The following REPS2 variants were observed in gnomAD, a reference collection of about 807,000 sequenced individuals.
REPS2 encodes RALBP1 associated Eps domain containing 2.
Under a neutral mutation model 53.6 loss-of-function variants are expected in REPS2, and 23 were observed. The ratio of observed to expected loss-of-function variants is 0.43; its 90% CI spans 0.31 to 0.61. REPS2 has a LOEUF of 0.61. Ranked by LOEUF, REPS2 falls within the 20% of genes least tolerant of loss-of-function variation. REPS2 has a pLI of 0.11. For synonymous variants in REPS2, 238 were observed against 218.6 expected (o/e 1.09, Z -0.78); for missense variants, 446 against 534.9 (o/e 0.83, Z 1.64).
chrX:17,074,139 C>A lies in REPS2; in HGVS notation c.1359C>A (p.Leu453=), dbSNP rs368495237. The part of the protein sequence containing the change: ...DPATPKDSNS[L]KARPRSRSYS... ...CAACTCCCAAGGATTCCAACAGTCT[C>A]AAAGCAAGACCAAGATCCAGGTAGT... The change falls in exon 12 of 18, where the codon CTC becomes CTA. Residue 453 remains leucine, a synonymous_variant. Transcript: ENST00000357277. 3 of 1,209,995 alleles carry A rather than the reference C, an allele frequency of 2.5e-6. No homozygotes were observed. The South Asian group carries it at 5.3e-5, about 21-fold the overall frequency.
chrX:17,092,152 C>T (rs1399624382), intron 13 of REPS2, among the ~76,000 whole-genome samples: 1 of 112,158 alleles, frequency 8.9e-6, no homozygotes, highest in African/African-American at 3.2e-5. Context: ...TCAATGGCCA[C>T]ATCTGCTGCT....
intron 1 of REPS2, among the ~76,000 whole-genome samples, chrX:16,969,930 T>A (rs948013659): frequency 8.9e-6 from 1 of 112,490 alleles, no homozygotes; most frequent in Non-Finnish European, 1.9e-5. Context: ...CTAGTAATTA[T>A]AACCCTCTAT....
At chrX:17,050,194 C>CTTTTTT (rs200986826) in intron 6 of REPS2, among the ~76,000 whole-genome samples, 1 of 51,796 alleles carries the variant, frequency 1.9e-5, no homozygotes, top group South Asian at 1.1e-3. Context: ...TTCTTTCTTT[C>CTTTTTT]TTTTTTTTTT....
intron 13 of REPS2, among the ~76,000 whole-genome samples, chrX:17,102,857 T>C (rs1418497800): frequency 8.9e-6 from 1 of 112,769 alleles, no homozygotes; most frequent in Admixed American, 9.4e-5. Context: ...ATAAACTACA[T>C]ATAGTTATTT....
At chrX:17,037,698 G>A (rs2061783766) in intron 5 of REPS2, among the ~76,000 whole-genome samples, 1 of 112,524 alleles carries the variant, frequency 8.9e-6, no homozygotes, top group South Asian at 3.6e-4. Flanking sequence ...AGTTAATTTA[G>A]CCTCCCAGAG....
the REPS2 span, among the ~76,000 whole-genome samples, chrX:17,185,043 T>A: frequency 9.0e-6 from 1 of 111,363 alleles, no homozygotes; most frequent in South Asian, 3.8e-4. Context: ...GTTGCCAGTT[T>A]GGTCTAGGCT....
At chrX:17,137,887 G>A (rs763818706) in intron 16 of REPS2, 12 of 112,445 alleles carry the variant, frequency 1.1e-4, no homozygotes, top group African/African-American at 3.6e-4. Context: ...GGGATTACAG[G>A]CCTGAGCCAC....
At chrX:17,020,371 T>C (rs2061556861) in intron 2 of REPS2, among the ~76,000 whole-genome samples, 1 of 111,084 alleles carries the variant, frequency 9.0e-6, no homozygotes, top group Non-Finnish European at 1.9e-5. Flanking sequence ...TTTTATGTGA[T>C]CTTGTTTCAT....
At chrX:17,014,317 C>T (rs1281764010) in intron 2 of REPS2, among the ~76,000 whole-genome samples, 1 of 111,775 alleles carries the variant, frequency 8.9e-6, no homozygotes, top group Non-Finnish European at 1.9e-5. Flanking sequence ...TAACTCACTC[C>T]TGGGGTTCTA....
At chrX:17,072,809 T>G (rs1229811718) in intron 11 of REPS2, among the ~76,000 whole-genome samples, 1 of 111,774 alleles carries the variant, frequency 8.9e-6, no homozygotes, top group East Asian at 2.8e-4. Flanking sequence ...GTCGCTTTCT[T>G]TGCTGCCTGG....
intron 14 of REPS2, among the ~76,000 whole-genome samples, chrX:17,126,276 C>T (rs1603090123): frequency 1.8e-5 from 2 of 110,986 alleles, no homozygotes; most frequent in South Asian, 3.8e-4. Flanking sequence ...TAAGCCAAAG[C>T]GAGAGGGGAG....
intron 14 of REPS2, among the ~76,000 whole-genome samples, chrX:17,107,273 G>A (rs1285146832): frequency 8.9e-6 from 1 of 111,899 alleles, no homozygotes; most frequent in African/African-American, 3.3e-5. Context: ...TCATATCTCT[G>A]GATTCATGTA....
At chrX:17,012,380 AAACAACAAC>A (rs370794081) in intron 2 of REPS2, among the ~76,000 whole-genome samples, 4 of 101,904 alleles carry the variant, frequency 3.9e-5, no homozygotes, top group African/African-American at 1.5e-4. Flanking sequence ...TGCCATCTCA[AAACAACAAC>A]AACAACAACA....
Position 17,050,198 on chromosome X carries a change from T to TTTCTTTCTCTCTTTC in REPS2, c.908-2182_908-2181insCTTTCTCTCTTTCTT, listed in dbSNP as rs2061977971. On this transcript the variant is annotated intron_variant, in intron 6 of 17. Coordinates refer to ENST00000357277, the MANE Select transcript of REPS2 (RefSeq NM_004726.3). ...TCTTTCTTTCTTTCTTTCTTTCTTT[T>TTTCTTTCTCTCTTTC]TTTTTTTTTTTTGACAGGGTCTTAC... is the stretch of plus-strand genomic sequence containing the variant. Among the ~76,000 whole-genome samples the TTTCTTTCTCTCTTTC allele has an allele frequency of 3.9e-4, 9 of 22,962 alleles. No individual in the cohort carries two copies. In the South Asian group the frequency reaches 0.019, roughly 48 times the overall value. The allele number at this position is 22,962 out of a possible 115,157, so 19.9% of individuals were successfully genotyped here.
intron 2 of REPS2, among the ~76,000 whole-genome samples, chrX:17,019,478 A>T (rs2061542933): frequency 9.0e-6 from 1 of 111,645 alleles, no homozygotes; most frequent in African/African-American, 3.3e-5. Context: ...CAGGTACTTT[A>T]TTGATTAATT....
chrX:17,112,914 C>T (rs776814482), intron 14 of REPS2, among the ~76,000 whole-genome samples: 5 of 106,041 alleles, frequency 4.7e-5, no homozygotes, highest in South Asian at 4.2e-4. Flanking sequence ...CGGGAAACTC[C>T]GTCTCTACTA....
intron 13 of REPS2, among the ~76,000 whole-genome samples, chrX:17,096,676 A>G (rs1410096370): frequency 9.9e-6 from 1 of 101,308 alleles, no homozygotes; most frequent in Non-Finnish European, 2.0e-5. Flanking sequence ...AAAAAAAAAA[A>G]AAAAAAGAAA....
the REPS2 span, among the ~76,000 whole-genome samples, chrX:17,179,838 C>T: frequency 1.8e-5 from 2 of 111,458 alleles, no homozygotes; most frequent in African/African-American, 6.5e-5. Context: ...AACACCAGGC[C>T]ATTAGAAATG....
chrX:17,049,083 CG>C (rs1287409884), intron 6 of REPS2, among the ~76,000 whole-genome samples: 1 of 110,644 alleles, frequency 9.0e-6, no homozygotes, highest in Admixed American at 9.6e-5. Flanking sequence ...TTAGTAGAGA[CG>C]GGGTTTCACC....
Sources: allele counts gnomAD v4.1 joint callset (sites outside exome capture counted in the v4.1 genomes callset), GRCh38; gene constraint gnomAD v4.1.1; transcripts MANE v1.5; gene names NCBI Gene and HGNC (gene_info 2026-07-23, HGNC 2026-07-21).